SNW1: variants seen among roughly 807,000 people sequenced by gnomAD.
The protein encoded by SNW1 is SNW domain containing 1, also known as SNW domain-containing protein 1.
A neutral mutation model predicts 75.6 loss-of-function variants in SNW1; 9 were observed. That is an observed-to-expected ratio of 0.12 (90% confidence interval 0.07 to 0.21). The LOEUF (loss-of-function observed/expected upper bound fraction) is 0.21, where lower values mean the gene tolerates loss of function less well. SNW1 is among the 10% of genes least tolerant of loss of function. The pLI, the probability that SNW1 is intolerant of heterozygous loss-of-function variation, is 1.00. For synonymous variants in SNW1, 200 were observed against 219.1 expected (o/e 0.91, Z 0.77); for missense variants, 409 against 670.9 (o/e 0.61, Z 4.31).
chr14:77,719,754 GAT>G (rs1174030847), intron 12 of SNW1, among the ~76,000 whole-genome samples: 2 of 152,152 alleles, frequency 1.3e-5, no homozygotes, highest in Non-Finnish European at 2.9e-5. Context: ...TAACATAAGA[GAT>G]AATAGTATTA....
Position 77,747,330 on chromosome 14 carries a change from G to A in SNW1, c.330+3989C>T, listed in dbSNP as rs553095909. Among the ~76,000 whole-genome samples, 21 of 152,152 alleles carry A rather than the reference G, an allele frequency of 1.4e-4. No individual in the cohort carries two copies. The South Asian group carries it at 2.3e-3, about 17-fold the overall frequency. On this transcript the variant is annotated intron_variant, in intron 3 of 13. Transcript: ENST00000261531. ...AGTGCCGAGACTGCAGCCTCTGCCC[G>A]GCCGCCACCCTGTCTGGGAAGTGAG...
At chr14:77,725,147 T>C (rs1392100253) in intron 10 of SNW1, among the ~76,000 whole-genome samples, 1 of 152,246 alleles carries the variant, frequency 6.6e-6, no homozygotes, top group Admixed American at 6.5e-5. Context: ...TATGTCTTCT[T>C]TTGAGACCGT....
chr14:77,740,118 A>G (rs2080705543), intron 3 of SNW1, among the ~76,000 whole-genome samples: 1 of 141,980 alleles, frequency 7.0e-6, no homozygotes. Flanking sequence ...TGGGTGACAG[A>G]GCAAGACACT....
At chr14:77,732,733 C>T (rs1197212374) in intron 8 of SNW1, 132 bp from the exon 9 acceptor site, 101 of 615,062 alleles carry the variant, frequency 1.6e-4, no homozygotes, top group Non-Finnish European at 3.7e-5. Flanking sequence ...GGTGCCATCT[C>T]GGCTCACTGC....
intron 8 of SNW1, 30 bp from the exon 9 acceptor site, chr14:77,732,631 C>CACAGA: frequency 8.7e-7 from 1 of 1,143,886 alleles, no homozygotes; most frequent in Non-Finnish European, 1.3e-6. Flanking sequence ...AAAACCCAGT[C>CACAGA]ACAGAAGTGC....
At chr14:77,723,093 C>A in intron 11 of SNW1, 88 bp downstream of exon 11, 2 of 959,604 alleles carry the variant, frequency 2.1e-6, no homozygotes, top group East Asian at 4.8e-5. Context: ...GTGATCCGCC[C>A]GCATTGGCCT....
chr14:77,723,262 C>T lies in SNW1; in HGVS notation c.1049G>A (p.Arg350His), dbSNP rs377649284. ...GTCATGCCGGATTTCATCCCTCTCA[C>T]GTGCCTCCCCATCCTCTGTGTGAAC... ...THVEKEDGEA[R>H]ERDEIRHDRR... Residue 350 changes from arginine (R) to histidine (H), a missense_variant, in exon 11 of 14, where the codon CGT becomes CAT. Transcript: ENST00000261531. The T allele has an allele frequency of 6.8e-6, 11 of 1,613,816 alleles. No individual in the cohort carries two copies. The highest frequency in any genetic ancestry group is 1.3e-5 in the African/African-American group (1 of 74,936).
At chr14:77,733,399 C>CTGT (rs1182396958) in intron 8 of SNW1, among the ~76,000 whole-genome samples, 1 of 152,084 alleles carries the variant, frequency 6.6e-6, no homozygotes, top group Non-Finnish European at 1.5e-5. Flanking sequence ...GTTAAATCTG[C>CTGT]TGTACTGTCT....
intron 6 of SNW1, 139 bp downstream of exon 6, chr14:77,736,832 G>T: frequency 4.9e-6 from 3 of 617,826 alleles, no homozygotes; most frequent in Non-Finnish European, 2.9e-6. Context: ...CTATAGGTTA[G>T]TTTGCATTTC....
intron 10 of SNW1, among the ~76,000 whole-genome samples, chr14:77,727,106 T>C (rs565093870): frequency 2.6e-5 from 4 of 152,012 alleles, no homozygotes; most frequent in Admixed American, 1.3e-4. Context: ...CAGGCTGGAG[T>C]GCAGTGGCAT....
At chr14:77,760,898 G>A (rs2139942388) in intron 1 of SNW1, 1 of 1,045,140 alleles carries the variant, frequency 9.6e-7, no homozygotes, top group East Asian at 2.4e-5. Context: ...TTCGGCCTCG[G>A]TGAGCGGGTG....
intron 1 of SNW1, 132 bp downstream of exon 1, chr14:77,760,982 C>G: frequency 5.6e-6 from 9 of 1,602,618 alleles, no homozygotes; most frequent in Non-Finnish European, 6.8e-6. Context: ...AGCGGGAGGG[C>G]GTAGCCGTAG....
intron 2 of SNW1, among the ~76,000 whole-genome samples, chr14:77,754,396 G>A (rs954986992): frequency 2.0e-5 from 3 of 152,092 alleles, no homozygotes; most frequent in Non-Finnish European, 4.4e-5. Flanking sequence ...ATTCCAGATG[G>A]TTCCTTCTCC....
rs758552851 is a variant in SNW1, at chr14:77,732,569, A to G, written c.807T>C (p.Ala269=). 1.4e-5 allele frequency: 23 copies of G among 1,612,744 alleles called. No individual in the cohort carries two copies. The East Asian group carries it at 5.1e-4, about 36-fold the overall frequency. ...CTGTCTGTAGTCCTCTTCCATCAGC[A>G]GCCAGACGTTTGTCTAATGGAATTG... The part of the protein sequence containing the change: ...GYTIPLDKRL[A]ADGRGLQTVH... The change falls in exon 9 of 14, where the codon GCT becomes GCC. Residue 269 remains alanine (A), a synonymous_variant. Transcript: ENST00000261531.
intron 10 of SNW1, among the ~76,000 whole-genome samples, chr14:77,726,535 G>C (rs1164765334): frequency 6.6e-6 from 1 of 152,018 alleles, no homozygotes; most frequent in Non-Finnish European, 1.5e-5. Flanking sequence ...TTTATTCCTA[G>C]GAGGCTATGT....
At chr14:77,758,203 G>A (rs139736911) in intron 1 of SNW1, among the ~76,000 whole-genome samples, 11,767 of 149,500 alleles carry the variant, frequency 0.079, 513 homozygotes, top group Middle Eastern at 0.1. Context: ...GGTGGCGGAC[G>A]CCTGTAATCC....
chr14:77,745,007 C>CTGAA lies in SNW1; in HGVS notation c.331-5950_331-5947dup, dbSNP rs1234825180. On this transcript the variant is annotated intron_variant, in intron 3 of 13. Coordinates refer to ENST00000261531, the MANE Select transcript of SNW1 (RefSeq NM_012245.3). ...ATACAATGGAAACCACTATTATTTGCTGAACAAACACTGGTGGACGCCTTA... is the reference window on the plus strand; with the variant it reads ...ATACAATGGAAACCACTATTATTTGCTGAATGAACAAACACTGGTGGACGCCTTA... 2.0e-5 allele frequency among the ~76,000 whole-genome samples: 3 copies of CTGAA among 152,288 alleles called. No homozygotes were observed. In the East Asian group the frequency reaches 5.8e-4, roughly 29 times the overall value.
Position 77,718,245 on chromosome 14 carries a change from T to C in SNW1, c.1454A>G (p.Gln485Arg). 1.2e-6 allele frequency: 2 copies of C among 1,613,418 alleles called. No individual in the cohort carries two copies. The highest frequency in any genetic ancestry group is 1.7e-6 in the Non-Finnish European group (2 of 1,179,612). Residue 485 changes from glutamine to arginine, a missense_variant, in exon 14 of 14, where the codon CAG (glutamine) becomes CGG (arginine). Gln to Arg is a conservative substitution (Grantham distance 43). Transcript: ENST00000261531. Reference protein sequence around the residue: ...DKEFSGSDRRQRGREGPVQFE... With the variant: ...DKEFSGSDRRRRGREGPVQFE... ...CTGCACTGGTCCTTCTCGGCCTCTC[T>C]GTCTACGGTCTGAACCAGAAAACTC... is the stretch of plus-strand genomic sequence containing the variant.
At chr14:77,733,560 A>G (rs2080643940) in intron 8 of SNW1, among the ~76,000 whole-genome samples, 1 of 151,952 alleles carries the variant, frequency 6.6e-6, no homozygotes, top group South Asian at 2.1e-4. Context: ...GCCTGGCAAC[A>G]TGGTGAAACC....
Sources: gnomAD v4.1 joint callset for allele counts (sites outside exome capture counted in the v4.1 genomes callset) on GRCh38, gnomAD v4.1.1 for gene constraint, MANE v1.5 for transcripts, NCBI Gene and HGNC (gene_info 2026-07-23, HGNC 2026-07-21) for gene names.